The following SNX12 variants were observed in gnomAD, a reference collection of about 807,000 sequenced individuals.
SNX12 encodes sorting nexin 12.
For missense variants in SNX12, 62 were observed against 141.3 expected (o/e 0.44, Z 2.84); for synonymous variants, 47 against 56.0 (o/e 0.84, Z 0.71).
rs1216181361 is a variant in SNX12, at chrX:71,060,732, C to G, written c.*284G>C. The G allele has an allele frequency of 7.2e-5, 21 of 289,885 alleles. No homozygotes were observed. The highest frequency in any genetic ancestry group is 9.1e-5 in the Non-Finnish European group (15 of 165,417). 23.9% of individuals were successfully genotyped at this position (289,885 alleles called of 1,213,427 possible). A position where few individuals can be genotyped will look rare whatever the true frequency, so the allele number is the denominator to read the frequency against. On this transcript the variant is annotated 3_prime_UTR_variant, in exon 4 of 4. Coordinates refer to ENST00000374274, the MANE Select transcript of SNX12 (RefSeq NM_013346.4). ...CCCTCCCCCCAGGTTAGCCTTCTGG[C>G]ATGGGTAAATGCCCAAGAAATTGCC... is the stretch of plus-strand genomic sequence containing the variant.
In SNX12 at chrX:71,068,317, G is replaced by A. The variant is rs1338092080; in HGVS notation, c.-11C>T. 2.5e-6 allele frequency: 3 copies of A among 1,188,750 alleles called. No homozygotes were observed. In the South Asian group the frequency reaches 5.5e-5, roughly 22 times the overall value. ...TGCCGTGTCCGACATCTTTCCGAAG[G>A]AGAGCCTGGGACCGGGGAAAGGGGG... On this transcript the variant is annotated 5_prime_UTR_variant, in exon 1 of 4. Transcript: ENST00000374274.
At position 71,060,154 on chromosome X, in the gene SNX12, C is replaced by G. The variant is rs1250258976; in HGVS notation, c.*862G>C. The G allele has an allele frequency of 1.8e-5, 2 of 112,123 alleles. No homozygotes were observed. Among genetic ancestry groups the G allele is most frequent in the Non-Finnish European group, 3.8e-5 (2 of 53,265 alleles). 9.2% of individuals were successfully genotyped at this position (112,123 alleles called of 1,213,427 possible). A position where few individuals can be genotyped will look rare whatever the true frequency, so the allele number is the denominator to read the frequency against. ...AGCCTAGAAGATAATCCACTCCCAC[C>G]CTTCAGGGAGTTACCTGGCAGTGGT... On this transcript the variant is annotated 3_prime_UTR_variant, in exon 4 of 4. Transcript: ENST00000374274.
chrX:71,068,659 G>A (rs2092164353), upstream of SNX12, among the ~76,000 whole-genome samples: 1 of 113,075 alleles, frequency 8.8e-6, no homozygotes, highest in African/African-American at 3.2e-5. Flanking sequence ...AAATTGTCTC[G>A]TACCGTGTAT....
upstream of SNX12, among the ~76,000 whole-genome samples, chrX:71,072,931 A>C (rs1328748622): frequency 1.8e-5 from 2 of 109,032 alleles, no homozygotes; most frequent in African/African-American, 3.4e-5. Context: ...ACACACACAC[A>C]CACAGAGCAC....
At chrX:71,071,740 A>G (rs1350181666), upstream of SNX12, among the ~76,000 whole-genome samples, 2 of 78,457 alleles carry the variant, frequency 2.5e-5, no homozygotes, top group Non-Finnish European at 4.5e-5. Context: ...ATATATATTT[A>G]TATATATAAA....
chrX:71,068,512 C>T (rs896023569), upstream of SNX12: 6 of 294,764 alleles, frequency 2.0e-5, no homozygotes, highest in East Asian at 2.2e-4. Flanking sequence ...GCTGCGCGCC[C>T]TGTAGAGTGG....
Position 71,061,963 on chromosome X carries a change from A to G in SNX12, c.266T>C (p.Val89Ala). Residue 89 changes from valine to alanine, a missense_variant, in exon 3 of 4, where the codon GTA becomes GCA. Physicochemically the swap from Val to Ala is moderately conservative, Grantham distance 64 (BLOSUM62 0). Coordinates refer to ENST00000374274, the MANE Select transcript of SNX12 (RefSeq NM_013346.4). The part of the protein sequence containing the change: ...KNELERDSKI[V>A]VPPLPGKALK... ...GGCTTTCCCAGGCAGTGGTGGTACT[A>G]CAATCTGCAGGCACACACAAAATTC... 1.7e-6 allele frequency: 2 copies of G among 1,192,433 alleles called. No homozygotes were observed. The highest frequency in any genetic ancestry group is 2.2e-6 in the Non-Finnish European group (2 of 889,146).
chrX:71,067,177 A>C (rs934645468), intron 1 of SNX12, among the ~76,000 whole-genome samples: 3 of 112,389 alleles, frequency 2.7e-5, no homozygotes, highest in Admixed American at 9.5e-5. Context: ...CTCTATCTGC[A>C]CATTCCATCC....
chrX:71,070,493 A>G (rs752094942), upstream of SNX12, among the ~76,000 whole-genome samples: 1 of 112,022 alleles, frequency 8.9e-6, no homozygotes, highest in South Asian at 3.7e-4. Context: ...TTCTAGCTGT[A>G]TAACCATGAG....
intron 1 of SNX12, 42 bp downstream of exon 1, chrX:71,068,086 CTCCCGCTCGCGCCG>C: frequency 9.1e-7 from 1 of 1,094,130 alleles, no homozygotes; most frequent in Admixed American, 2.6e-5. Context: ...TCCCTCCCCC[CTCCCGCTCGCGCCG>C]CCCGGTCCTC....
chrX:71,072,097 A>T (rs1349028076), upstream of SNX12, among the ~76,000 whole-genome samples: 3 of 110,214 alleles, frequency 2.7e-5, no homozygotes, highest in Admixed American at 9.9e-5. Context: ...GTCTCTACTA[A>T]AATACGAAAA....
At chrX:71,065,753 G>A (rs1207366029) in intron 1 of SNX12, among the ~76,000 whole-genome samples, 5 of 109,029 alleles carry the variant, frequency 4.6e-5, no homozygotes, top group Admixed American at 9.8e-5. Context: ...GCAGTGAGCC[G>A]AGATCATGCC....
upstream of SNX12, among the ~76,000 whole-genome samples, chrX:71,071,544 T>TATATAAATATATAATATTATATATTA (rs1569477446): frequency 2.7e-5 from 1 of 36,719 alleles, no homozygotes; most frequent in African/African-American, 2.1e-4. Flanking sequence ...TTTATATATA[T>TATATAAATATATAATATTATATATTA]TATATATAAA....
At chrX:71,068,603 C>G (rs755903600), upstream of SNX12, among the ~76,000 whole-genome samples, 1 of 113,106 alleles carries the variant, frequency 8.8e-6, no homozygotes, top group South Asian at 3.6e-4. Context: ...AATACCCTGC[C>G]TAGCAGCACA....
chrX:71,068,255 C>T lies in SNX12; in HGVS notation c.52G>A (p.Asp18Asn). The T allele has an allele frequency of 2.5e-6, 3 of 1,208,862 alleles. No individual in the cohort carries two copies. Among genetic ancestry groups the T allele is most frequent in the Non-Finnish European group, 2.2e-6 (2 of 894,008 alleles). Reference protein sequence around the residue: ...DTRRLNSKPQDLTDAYGPPSN... With the variant: ...DTRRLNSKPQNLTDAYGPPSN... ...GGCGGCCCGTAAGCGTCGGTCAGGT[C>T]CTGCGGCTTCGAGTTAAGGCGCCGG... is the stretch of plus-strand genomic sequence containing the variant. The change falls in exon 1 of 4, where the codon GAC (aspartate) becomes AAC (asparagine). Residue 18 changes from aspartate (D) to asparagine (N), a missense_variant. Physicochemically the swap from Asp to Asn is conservative, Grantham distance 23 (BLOSUM62 1). Coordinates refer to ENST00000374274, the MANE Select transcript of SNX12 (RefSeq NM_013346.4).
At chrX:71,063,111 C>T (rs2092138591) in intron 1 of SNX12, among the ~76,000 whole-genome samples, 162 bp from the exon 2 acceptor site, 1 of 111,998 alleles carries the variant, frequency 8.9e-6, no homozygotes, top group African/African-American at 3.2e-5. Context: ...ACCCTTACCA[C>T]ATCCAACCTT....
At chrX:71,070,468 G>C (rs2092168995), upstream of SNX12, among the ~76,000 whole-genome samples, 1 of 111,475 alleles carries the variant, frequency 9.0e-6, no homozygotes. Flanking sequence ...GGCTGCCTGG[G>C]TTTAAATCCT....
chrX:71,070,189 A>G (rs1027831136), upstream of SNX12, among the ~76,000 whole-genome samples: 3 of 111,561 alleles, frequency 2.7e-5, no homozygotes, highest in Admixed American at 9.6e-5. Context: ...CTGGTAGGTG[A>G]TAGGGAGTCC....
chrX:71,061,670 T>A (rs1032119900), intron 3 of SNX12, among the ~76,000 whole-genome samples, 173 bp downstream of exon 3: 1 of 109,022 alleles, frequency 9.2e-6, no homozygotes, highest in African/African-American at 3.4e-5. Flanking sequence ...GAGACGGAGG[T>A]TGCAGTGAGC....
Sources: allele counts gnomAD v4.1 joint callset (sites outside exome capture counted in the v4.1 genomes callset), GRCh38; gene constraint gnomAD v4.1.1; transcripts MANE v1.5; gene names NCBI Gene and HGNC (gene_info 2026-07-23, HGNC 2026-07-21).